TMEM161B: variants seen among roughly 807,000 people sequenced by gnomAD.
The protein encoded by TMEM161B is transmembrane protein 161B.
A neutral mutation model predicts 61.8 loss-of-function variants in TMEM161B; 34 were observed. The observed-to-expected ratio is 0.55, with a 90% confidence interval of 0.42 to 0.73. The LOEUF is 0.73. Ranked by LOEUF, TMEM161B falls within the 30% of genes least tolerant of loss-of-function variation. TMEM161B has a pLI of 0.00. For missense variants in TMEM161B, 456 were observed against 558.5 expected (o/e 0.82, Z 1.85); for synonymous variants, 167 against 192.8 (o/e 0.87, Z 1.11).
At chr5:88,190,523 C>T (rs1027162244), downstream of TMEM161B, among the ~76,000 whole-genome samples, 1 of 152,164 alleles carries the variant, frequency 6.6e-6, no homozygotes, top group Non-Finnish European at 1.5e-5. Context: ...GGTACAAGAT[C>T]AGGTGCTTGA....
intron 11 of TMEM161B, 50 bp downstream of exon 11, chr5:88,197,619 A>C (rs772472296): frequency 6.3e-6 from 9 of 1,432,394 alleles, no homozygotes; most frequent in Admixed American, 4.0e-5. Context: ...AGCTTTATTA[A>C]TTATAGGTAG....
chr5:88,197,806 A>T (rs370860959), intron 10 of TMEM161B, 41 bp from the exon 11 acceptor site: 12 of 1,526,532 alleles, frequency 7.9e-6, no homozygotes, highest in Non-Finnish European at 9.9e-6. Context: ...TGCAACTGAC[A>T]TGTTAGGAGT....
intron 8 of TMEM161B, among the ~76,000 whole-genome samples, chr5:88,203,814 T>A (rs183067259): frequency 0.15 from 12,904 of 87,868 alleles, 1,461 homozygotes; most frequent in African/African-American, 0.25. Flanking sequence ...TATATATATA[T>A]AATTTGCATT....
downstream of TMEM161B, among the ~76,000 whole-genome samples, chr5:88,188,270 A>T: frequency 9.9e-6 from 1 of 101,404 alleles, no homozygotes; most frequent in East Asian, 3.1e-4. Flanking sequence ...ATGTCCAGCT[A>T]ATTTTTGTAT....
intron 1 of TMEM161B, among the ~76,000 whole-genome samples, chr5:88,246,549 A>T (rs1255620548): frequency 2.6e-5 from 4 of 151,938 alleles, no homozygotes; most frequent in Non-Finnish European, 5.9e-5. Context: ...CATGCCAGGG[A>T]TTAATGTATT....
intron 1 of TMEM161B, among the ~76,000 whole-genome samples, chr5:88,256,948 C>T (rs1269604357): frequency 6.6e-6 from 1 of 152,182 alleles, no homozygotes; most frequent in African/African-American, 2.4e-5. Context: ...AGACAATCTC[C>T]TCATTTTAAT....
chr5:88,185,757 T>C (rs13360207), downstream of TMEM161B, among the ~76,000 whole-genome samples: 43,881 of 151,928 alleles, frequency 0.29, 7,394 homozygotes, highest in African/African-American at 0.44. Flanking sequence ...ATTGAAAACA[T>C]AGCATAGCAA....
intron 5 of TMEM161B, among the ~76,000 whole-genome samples, chr5:88,210,786 T>A (rs918490744): frequency 6.6e-5 from 10 of 152,328 alleles, no homozygotes; most frequent in Middle Eastern, 3.4e-3. Context: ...GGTTTTAGTA[T>A]TATCAAGCTA....
intron 1 of TMEM161B, among the ~76,000 whole-genome samples, chr5:88,247,994 A>G (rs953998191): frequency 1.3e-5 from 2 of 152,170 alleles, no homozygotes; most frequent in African/African-American, 4.8e-5. Context: ...AGAGGATTCT[A>G]TGAGAAATTA....
Position 88,206,485 on chromosome 5 carries a change from A to G in TMEM161B, c.613T>C (p.Ser205Pro). ...FGLETGFTNF[S>P]DSAMQFLEKQ... ...TCAAGAAACTGCATCGCACTGTCTGAAAAATTTGTAAACCCTGTGGGGGAA... is the reference window on the plus strand; with the variant it reads ...TCAAGAAACTGCATCGCACTGTCTGGAAAATTTGTAAACCCTGTGGGGGAA... The change falls in exon 7 of 12, where the codon TCA becomes CCA. Residue 205 changes from serine (S) to proline (P), a missense_variant. By Grantham distance (74) the Ser-to-Pro change is moderately conservative. This residue lies in a region of TMEM161B where 367 missense variants were observed against 427.3 expected (regional missense o/e 0.86). Coordinates refer to ENST00000296595, the MANE Select transcript of TMEM161B (RefSeq NM_153354.5). The G allele has an allele frequency of 6.3e-7, 1 of 1,595,496 alleles. No homozygotes were observed. Among genetic ancestry groups the G allele is most frequent in the Admixed American group, 1.7e-5 (1 of 57,936 alleles).
chr5:88,223,900 A>T (rs1265685007), intron 4 of TMEM161B, among the ~76,000 whole-genome samples: 1 of 152,094 alleles, frequency 6.6e-6, no homozygotes, highest in East Asian at 1.9e-4. Flanking sequence ...AAAAAAATAA[A>T]AAAAAAAAAC....
chr5:88,217,188 T>A (rs1748016963), intron 5 of TMEM161B, among the ~76,000 whole-genome samples: 1 of 152,094 alleles, frequency 6.6e-6, no homozygotes, highest in African/African-American at 2.4e-5. Context: ...GCTCAGGAGT[T>A]AGAGGCTGCA....
At chr5:88,234,149 A>G (rs1018734121) in intron 2 of TMEM161B, among the ~76,000 whole-genome samples, 1 of 152,126 alleles carries the variant, frequency 6.6e-6, no homozygotes, top group Non-Finnish European at 1.5e-5. Flanking sequence ...TTAAAAAAAA[A>G]GTGTGTGTGG....
chr5:88,196,518 G>A lies in TMEM161B; in HGVS notation c.1187-30C>T, dbSNP rs777155981. On this transcript the variant is annotated intron_variant, in intron 11 of 11. Coordinates refer to ENST00000296595, the MANE Select transcript of TMEM161B (RefSeq NM_153354.5). ...AAAATCAAAGACACAAATACAATTT[G>A]AAGAGTAACTAATTACCAAGCTTTT... 2.1e-5 allele frequency: 32 copies of A among 1,521,600 alleles called. 1 individual carries two copies. The highest frequency in any genetic ancestry group is 2.4e-5 in the Non-Finnish European group (27 of 1,139,982). 94.3% of individuals were successfully genotyped at this position (1,521,600 alleles called of 1,614,324 possible).
intron 4 of TMEM161B, among the ~76,000 whole-genome samples, chr5:88,224,972 T>G (rs1321662059): frequency 2.8e-5 from 4 of 142,438 alleles, no homozygotes; most frequent in Admixed American, 7.0e-5. Context: ...TTTGTTTTTT[T>G]TTTTTTTTTT....
intron 5 of TMEM161B, among the ~76,000 whole-genome samples, chr5:88,214,935 C>T (rs868552189): frequency 2.6e-5 from 4 of 152,260 alleles, no homozygotes; most frequent in Middle Eastern, 3.4e-3. Context: ...TTTCAGGGTT[C>T]AAGGTTTTAG....
chr5:88,193,590 G>T (rs1238076545), downstream of TMEM161B, among the ~76,000 whole-genome samples: 1 of 152,094 alleles, frequency 6.6e-6, no homozygotes, highest in Non-Finnish European at 1.5e-5. Context: ...TATACTTAGA[G>T]TTTAAGTTTA....
rs375476549 is a variant in TMEM161B at position 88,226,765 on chromosome 5, G to T, written c.192-899C>A. 1.2e-3 allele frequency among the ~76,000 whole-genome samples: 189 copies of T among 152,154 alleles called. 1 individual carries two copies. Among genetic ancestry groups the T allele is most frequent in the African/African-American group, 4.2e-3 (176 of 41,516 alleles). On this transcript the variant is annotated intron_variant, in intron 3 of 11. Coordinates refer to ENST00000296595, the MANE Select transcript of TMEM161B (RefSeq NM_153354.5). The stretch of plus-strand genomic sequence containing the variant: ...TAATGTATCTTTTTGTAACTATAAG[G>T]CATGTTCAACCTATTAAAAATTACT...
At chr5:88,230,035 T>C (rs1405937713) in intron 2 of TMEM161B, among the ~76,000 whole-genome samples, 1 of 151,636 alleles carries the variant, frequency 6.6e-6, no homozygotes, top group African/African-American at 2.4e-5. Flanking sequence ...CTACAAAAAA[T>C]TAAAAAACTA....
Sources: gnomAD v4.1 joint callset for allele counts (sites outside exome capture counted in the v4.1 genomes callset) on GRCh38, gnomAD v4.1.1 for gene constraint, gnomAD v4.1.1 regional missense constraint, MANE v1.5 for transcripts, NCBI Gene and HGNC (gene_info 2026-07-23, HGNC 2026-07-21) for gene names.